The following WNK1 variants were observed in gnomAD, a reference collection of about 807,000 sequenced individuals.
WNK1 encodes the protein WNK lysine deficient protein kinase 1.
Under a neutral mutation model 222.8 loss-of-function variants are expected in WNK1, and 38 were observed. That is an observed-to-expected ratio of 0.17 (90% CI 0.13 to 0.22). WNK1 has a LOEUF of 0.22. Among genes scored for constraint, WNK1 ranks in the 10% least tolerant of loss-of-function variants. The pLI, the probability that WNK1 is intolerant of heterozygous loss-of-function variation, is 1.00. For missense variants in WNK1, 2,348 were observed against 2,918.4 expected, an observed-to-expected ratio of 0.80 and a Z score of 4.50; for synonymous variants, 1,090 against 1,092.9, an observed-to-expected ratio of 1.00 and a Z score of 0.05.
At position 881,961 on chromosome 12, in the gene WNK1, C is replaced by T; in HGVS notation, c.3260C>T (p.Pro1087Leu). Residue 1087 changes from proline (P) to leucine (L), a missense_variant, in exon 14 of 28, where the codon CCA (proline) becomes CTA (leucine). Pro to Leu is a moderately conservative substitution (Grantham distance 98). Transcript: ENST00000315939. ...SGMSDGNENV[P>L]SSSGRHEGRT... ...ATGAGTGATGGCAATGAGAACGTCC[C>T]ATCTTCCAGTGGAAGGCATGAAGGA... 1.9e-6 allele frequency: 3 copies of T among 1,614,146 alleles called. No homozygotes were observed. The highest frequency in any genetic ancestry group is 2.5e-6 in the Non-Finnish European group (3 of 1,180,028).
intron 4 of WNK1, among the ~76,000 whole-genome samples, chr12:852,213 A>G (rs1439812296): frequency 1.3e-5 from 2 of 152,306 alleles, no homozygotes; most frequent in South Asian, 2.1e-4. Flanking sequence ...TAAAATGTGC[A>G]TATGTTTTTG....
chr12:875,577 T>C (rs1952532693), intron 9 of WNK1, among the ~76,000 whole-genome samples: 1 of 152,210 alleles, frequency 6.6e-6, no homozygotes, highest in Admixed American at 6.5e-5. Context: ...CTTAAAGATC[T>C]CTTTAAGATG....
intron 26 of WNK1, among the ~76,000 whole-genome samples, chr12:905,083 TA>T (rs1375683216): frequency 1.3e-5 from 2 of 152,146 alleles, no homozygotes; most frequent in African/African-American, 4.8e-5. Flanking sequence ...GATGTGGGAA[TA>T]GGGGAAATGT....
At chr12:908,298 T>G (rs1284115335) in intron 27 of WNK1, 177 bp from the exon 28 acceptor site, 5 of 772,054 alleles carry the variant, frequency 6.5e-6, no homozygotes, top group Non-Finnish European at 1.1e-5. Flanking sequence ...GCACATGACA[T>G]CCCTCCCTCT....
chr12:839,616 A>G (rs552368438), intron 4 of WNK1, among the ~76,000 whole-genome samples: 1 of 152,342 alleles, frequency 6.6e-6, no homozygotes, highest in South Asian at 2.1e-4. Context: ...ATCAAACAAT[A>G]TCAAACCTGA....
intron 26 of WNK1, chr12:906,438 C>T (rs1955704704): frequency 1.0e-6 from 1 of 985,374 alleles, no homozygotes; most frequent in South Asian, 4.7e-5. Context: ...CACCCTGCCT[C>T]AGCTGCATTT....
Position 797,948 on chromosome 12 carries a change from C to CA in WNK1, c.760-15676dup, listed in dbSNP as rs10542152. On this transcript the variant is annotated intron_variant, in intron 1 of 27. Transcript: ENST00000315939. ...TGGGTGACAGAGTGAGACTCTGTCTCAAAAAAAAAAAAAAAAAATCACTGT... is the reference window on the plus strand; with the variant it reads ...TGGGTGACAGAGTGAGACTCTGTCTCAAAAAAAAAAAAAAAAAAATCACTGT... Among the ~76,000 whole-genome samples the CA allele has an allele frequency of 5.0e-3, 624 of 123,832 alleles. 3 individuals carry two copies. The highest frequency in any genetic ancestry group is 0.024 in the East Asian group (98 of 4,148). The allele number at this position is 123,832 out of a possible 152,430, so 81.2% of individuals were successfully genotyped here.
rs1005579155 is a variant in WNK1 at position 884,624 on chromosome 12, C to A, written c.3845-25C>A. ...TCCATCCTTTTAAAATCAGCTGATT[C>A]TTATCTTTTTGTATTCCTTTGCAGT... On this transcript the variant is annotated intron_variant, in intron 18 of 27. Transcript: ENST00000315939. This position sits in a 1 kb window ranked among gnomAD's most constrained non-coding sequence, Gnocchi z 5.6. 19 of 1,605,992 alleles carry A rather than the reference C, an allele frequency of 1.2e-5. No individual in the cohort carries two copies. The highest frequency in any genetic ancestry group is 1.6e-5 in the Non-Finnish European group (19 of 1,172,746).
At chr12:781,372 A>G (rs1272211414) in intron 1 of WNK1, 5 of 152,412 alleles carry the variant, frequency 3.3e-5, no homozygotes, top group South Asian at 2.1e-4. Flanking sequence ...TAATTAAATC[A>G]TACAGTAAGT....
intron 1 of WNK1, among the ~76,000 whole-genome samples, chr12:770,816 G>A (rs575502776): frequency 7.2e-5 from 11 of 152,174 alleles, no homozygotes; most frequent in Admixed American, 3.3e-4. Flanking sequence ...CAGCATGTCC[G>A]GTAATCAGAA....
chr12:820,947 C>T (rs1408108869), intron 2 of WNK1, among the ~76,000 whole-genome samples: 4 of 149,664 alleles, frequency 2.7e-5, no homozygotes, highest in African/African-American at 9.9e-5. Context: ...AGCTTTTGGT[C>T]TTTCACCATT....
chr12:884,385 C>CGTAACTT lies in WNK1; in HGVS notation c.3844+142_3844+143insGTAACTT. 7.6e-7 allele frequency: 1 copy of CGTAACTT among 1,322,022 alleles called. No individual in the cohort carries two copies. The highest frequency in any genetic ancestry group is 1.1e-6 in the Non-Finnish European group (1 of 944,182). 81.9% of individuals were successfully genotyped at this position (1,322,022 alleles called of 1,614,324 possible). ...ACTGAAGTTATAACCAACAGATAAA[C>CGTAACTT]ATATGGGAGAGGGAAATAGATGAAG... On this transcript the variant is annotated intron_variant, in intron 18 of 27. Transcript: ENST00000315939. This position sits in a 1 kb window ranked among gnomAD's most constrained non-coding sequence, Gnocchi z 5.6.
At position 910,731 on chromosome 12, in the gene WNK1, G is replaced by A. The variant is rs1225537702; in HGVS notation, c.*1939G>A. On this transcript the variant is annotated 3_prime_UTR_variant, in exon 28 of 28. Coordinates refer to ENST00000315939, the MANE Select transcript of WNK1 (RefSeq NM_018979.4). ...ACCACCACTACCACAGAAAGAGGCT[G>A]GAGGCTCCTGTACCCTGTTCATTCC... 1 of 152,450 alleles carries A rather than the reference G, an allele frequency of 6.6e-6. No individual in the cohort carries two copies. Among genetic ancestry groups the A allele is most frequent in the Non-Finnish European group, 1.5e-5 (1 of 68,218 alleles). 9.4% of individuals were successfully genotyped at this position (152,450 alleles called of 1,614,324 possible).
intron 1 of WNK1, among the ~76,000 whole-genome samples, chr12:757,309 CTTTTTTTTT>C (rs946901263): frequency 2.4e-5 from 2 of 83,596 alleles, no homozygotes; most frequent in African/African-American, 4.4e-5. Context: ...AGCATCAATT[CTTTTTTTTT>C]TTTTTTTTTT....
intron 17 of WNK1, 125 bp downstream of exon 17, chr12:883,956 A>G (rs769444382): frequency 1.9e-5 from 28 of 1,480,564 alleles, no homozygotes; most frequent in Non-Finnish European, 2.4e-5. Flanking sequence ...TGAACCCAGG[A>G]GGCGGAGGTT....
chr12:906,298 C>G, intron 26 of WNK1: 1 of 985,046 alleles, frequency 1.0e-6, no homozygotes, highest in South Asian at 4.7e-5. Flanking sequence ...CAAAACGTGC[C>G]TCTTGGAATA....
At chr12:778,341 CT>C (rs940786021) in intron 1 of WNK1, among the ~76,000 whole-genome samples, 1 of 147,802 alleles carries the variant, frequency 6.8e-6, no homozygotes, top group African/African-American at 2.5e-5. Flanking sequence ...CTTTTTCTTT[CT>C]TTTTTTCTGA....
At position 900,519 on chromosome 12, in the gene WNK1, G is replaced by A; in HGVS notation, c.6492G>A (p.Gln2164=). The A allele has an allele frequency of 3.1e-6, 5 of 1,614,148 alleles. No homozygotes were observed. The highest frequency in any genetic ancestry group is 4.2e-6 in the Non-Finnish European group (5 of 1,180,030). ...GQSAASVLHP[Q]QTLHPPGNIP... ...GTGCAGCTTCAGTCTTGCACCCCCA[G>A]CAGACCCTCCACCCTCCTGGCAACA... The change falls in exon 26 of 28, where the codon CAG becomes CAA. Residue 2164 remains glutamine (Q), a synonymous_variant. Transcript: ENST00000315939.
chr12:904,729 A>G lies in WNK1; in HGVS notation c.6644-3118A>G, dbSNP rs578099316. ...ACATGGATTGGTAATGGCCATGGGTATATATAGGGAGGTCAGGGATGCCTA... is the reference window on the plus strand; with the variant it reads ...ACATGGATTGGTAATGGCCATGGGTGTATATAGGGAGGTCAGGGATGCCTA... On this transcript the variant is annotated intron_variant, in intron 26 of 27. Coordinates refer to ENST00000315939, the MANE Select transcript of WNK1 (RefSeq NM_018979.4). Among the ~76,000 whole-genome samples the G allele has an allele frequency of 2.6e-5, 4 of 152,298 alleles. No individual in the cohort carries two copies. In the East Asian group the frequency reaches 7.7e-4, roughly 29 times the overall value.
Sources: allele counts gnomAD v4.1 joint callset (sites outside exome capture counted in the v4.1 genomes callset), GRCh38; gene constraint gnomAD v4.1.1; non-coding constraint Gnocchi (gnomAD v3.1); transcripts MANE v1.5; gene names NCBI Gene and HGNC (gene_info 2026-07-23, HGNC 2026-07-21).